Variants in DNER observed in about 807,000 individuals in gnomAD.
DNER encodes delta/notch like EGF repeat containing, also known as delta and Notch-like epidermal growth factor-related receptor.
Under a neutral mutation model 78.2 loss-of-function variants are expected in DNER, and 33 were observed. The observed-to-expected ratio is 0.42, with a 90% CI of 0.32 to 0.56. The LOEUF (loss-of-function observed/expected upper bound fraction) is 0.56, where lower values mean the gene tolerates loss of function less well. DNER is among the 20% of genes least tolerant of loss of function. The pLI, the probability that DNER is intolerant of heterozygous loss-of-function variation, is 0.11. For synonymous variants in DNER, 417 were observed against 384.8 expected, an observed-to-expected ratio of 1.08 and a Z score of -0.98; for missense variants, 918 against 975.3, an observed-to-expected ratio of 0.94 and a Z score of 0.78.
intron 12 of DNER, among the ~76,000 whole-genome samples, chr2:229,359,040 ACAC>A (rs2106322909): frequency 6.6e-6 from 1 of 152,306 alleles, no homozygotes; most frequent in African/African-American, 2.4e-5. Context: ...GGAATATAGA[ACAC>A]CAGGGCAGTC....
intron 1 of DNER, among the ~76,000 whole-genome samples, chr2:229,638,321 T>C (rs1041800300): frequency 6.6e-6 from 1 of 152,202 alleles, no homozygotes; most frequent in Non-Finnish European, 1.5e-5. Flanking sequence ...AATTGCAGTC[T>C]AGTACAGATT....
intron 1 of DNER, among the ~76,000 whole-genome samples, chr2:229,597,372 T>A (rs574370812): frequency 2.6e-5 from 4 of 152,348 alleles, no homozygotes; most frequent in East Asian, 3.9e-4. Flanking sequence ...TCATAAATAT[T>A]TATCTTAAGT....
At chr2:229,385,999 G>T (rs913032705) in intron 11 of DNER, among the ~76,000 whole-genome samples, 6 of 151,924 alleles carry the variant, frequency 3.9e-5, no homozygotes, top group African/African-American at 1.5e-4. Flanking sequence ...CCAAAAAAGA[G>T]CCTGCATAGC....
rs574577016 is a variant in DNER, at chr2:229,444,951, T to C, written c.1486+2365A>G. Among the ~76,000 whole-genome samples the C allele has an allele frequency of 4.6e-5, 7 of 152,310 alleles. No individual in the cohort carries two copies. The South Asian group carries it at 1.5e-3, about 32-fold the overall frequency. ...AGAAAATAAAGTTGTTTTCTGGTCT[T>C]ACAATATTTAATTCTTCTTTGTGGG... On this transcript the variant is annotated intron_variant, in intron 8 of 12. Coordinates refer to ENST00000341772, the MANE Select transcript of DNER (RefSeq NM_139072.4).
chr2:229,384,154 A>G (rs1692808504), intron 11 of DNER, among the ~76,000 whole-genome samples: 1 of 152,246 alleles, frequency 6.6e-6, no homozygotes, highest in South Asian at 2.1e-4. Context: ...CTGCTCCTGA[A>G]TGACTACTGG....
At chr2:229,565,012 A>G (rs1697075760) in intron 4 of DNER, among the ~76,000 whole-genome samples, 2 of 152,168 alleles carry the variant, frequency 1.3e-5, no homozygotes, top group South Asian at 4.1e-4. Context: ...CACTAATCCT[A>G]TTAATGAGGG....
At chr2:229,524,561 A>T (rs115686640) in intron 5 of DNER, among the ~76,000 whole-genome samples, 232 of 152,330 alleles carry the variant, frequency 1.5e-3, no homozygotes, top group African/African-American at 4.9e-3. Flanking sequence ...AAATCAAATC[A>T]AATCACAGGC....
chr2:229,545,843 G>A (rs1173214244), intron 5 of DNER, among the ~76,000 whole-genome samples: 1 of 152,152 alleles, frequency 6.6e-6, no homozygotes, highest in Admixed American at 6.5e-5. Flanking sequence ...CCTCTTCTCG[G>A]TTTCTTCTCT....
intron 1 of DNER, among the ~76,000 whole-genome samples, chr2:229,598,773 C>T (rs1697770020): frequency 6.6e-6 from 1 of 152,076 alleles, no homozygotes; most frequent in African/African-American, 2.4e-5. Flanking sequence ...GCAAGCAGTG[C>T]CCTGGCGTTG....
chr2:229,457,665 T>C (rs567163329), intron 7 of DNER, among the ~76,000 whole-genome samples: 1 of 120,232 alleles, frequency 8.3e-6, no homozygotes, highest in East Asian at 2.4e-4. Flanking sequence ...ATGAGAAAAA[T>C]AGAAAATAAA....
chr2:229,698,881 A>G (rs1468299386), intron 1 of DNER, among the ~76,000 whole-genome samples: 2 of 152,188 alleles, frequency 1.3e-5, no homozygotes, highest in Non-Finnish European at 2.9e-5. Context: ...CCTTTTGCAC[A>G]ACCAAAAAAA....
chr2:229,656,801 T>C (rs1054547260), intron 1 of DNER, among the ~76,000 whole-genome samples: 5 of 152,194 alleles, frequency 3.3e-5, no homozygotes, highest in Admixed American at 1.3e-4. Flanking sequence ...ATGTAATTCA[T>C]TTACTTTCTG....
chr2:229,407,020 C>T (rs765382897), intron 10 of DNER, among the ~76,000 whole-genome samples: 1 of 152,144 alleles, frequency 6.6e-6, no homozygotes. Flanking sequence ...AGTCTAGACG[C>T]CAAACAACCA....
At chr2:229,570,491 G>C (rs890186085) in intron 4 of DNER, among the ~76,000 whole-genome samples, 8 of 152,148 alleles carry the variant, frequency 5.3e-5, no homozygotes, top group Non-Finnish European at 1.2e-4. Flanking sequence ...GTCAGGCATG[G>C]TGTTGGGCGC....
chr2:229,390,378 A>G (rs975697659), intron 10 of DNER, among the ~76,000 whole-genome samples: 6 of 152,242 alleles, frequency 3.9e-5, no homozygotes. Flanking sequence ...CAGGGCTATC[A>G]GTTCAGTCCA....
At chr2:229,598,631 G>A (rs894639610) in intron 1 of DNER, among the ~76,000 whole-genome samples, 1 of 152,176 alleles carries the variant, frequency 6.6e-6, no homozygotes, top group Non-Finnish European at 1.5e-5. Flanking sequence ...ACGAAATTAT[G>A]AGCAGGTGTT....
intron 11 of DNER, among the ~76,000 whole-genome samples, chr2:229,376,488 T>C (rs1692604102): frequency 6.6e-6 from 1 of 152,210 alleles, no homozygotes; most frequent in Non-Finnish European, 1.5e-5. Flanking sequence ...GACAGGTGCA[T>C]ATATAGAATA....
At chr2:229,427,322 T>C (rs1034720868) in intron 8 of DNER, among the ~76,000 whole-genome samples, 2 of 152,224 alleles carry the variant, frequency 1.3e-5, no homozygotes, top group Non-Finnish European at 1.5e-5. Context: ...GGAAGGTTGG[T>C]AATTCTCTGT....
At chr2:229,642,045 G>A (rs75260126) in intron 1 of DNER, among the ~76,000 whole-genome samples, 3 of 152,150 alleles carry the variant, frequency 2.0e-5, no homozygotes, top group African/African-American at 7.2e-5. Context: ...AAATAGTGAA[G>A]AAATATGATT....
Sources: gnomAD v4.1 joint callset for allele counts (sites outside exome capture counted in the v4.1 genomes callset) on GRCh38, gnomAD v4.1.1 for gene constraint, MANE v1.5 for transcripts, NCBI Gene and HGNC (gene_info 2026-07-23, HGNC 2026-07-21) for gene names.